The following FSTL4 variants were observed in gnomAD, a reference collection of about 807,000 sequenced individuals.
FSTL4 encodes follistatin-related protein 4.
A neutral mutation model predicts 78.2 loss-of-function variants in FSTL4; 28 were observed. That is an observed-to-expected ratio of 0.36 (90% CI 0.27 to 0.49). The LOEUF (loss-of-function observed/expected upper bound fraction) is 0.49. Ranked by LOEUF, FSTL4 falls within the 20% of genes least tolerant of loss-of-function variation. The pLI, the probability that FSTL4 is intolerant of heterozygous loss-of-function variation, is 0.98. For missense variants in FSTL4, 922 were observed against 1,084.9 expected, an observed-to-expected ratio of 0.85 and a Z score of 2.11; for synonymous variants, 422 against 440.5, an observed-to-expected ratio of 0.96 and a Z score of 0.53.
intron 3 of FSTL4, among the ~76,000 whole-genome samples, chr5:133,523,075 GT>G (rs1252256361): frequency 2.6e-5 from 4 of 151,144 alleles, no homozygotes; most frequent in Non-Finnish European, 5.9e-5. Flanking sequence ...GGTAATTAAC[GT>G]AAAATGAGGT....
intron 3 of FSTL4, among the ~76,000 whole-genome samples, chr5:133,409,126 T>A (rs1756429576): frequency 6.6e-6 from 1 of 152,184 alleles, no homozygotes; most frequent in East Asian, 1.9e-4. Flanking sequence ...TGGACCCTTA[T>A]AAACTCCGCC....
At chr5:133,642,933 A>C in the FSTL4 span, among the ~76,000 whole-genome samples, 1 of 152,218 alleles carries the variant, frequency 6.6e-6, no homozygotes, top group African/African-American at 2.4e-5. Context: ...TTCAACCATA[A>C]AGCACAAGAA....
At chr5:133,390,287 G>C (rs1014814190) in intron 4 of FSTL4, among the ~76,000 whole-genome samples, 8 of 152,250 alleles carry the variant, frequency 5.3e-5, no homozygotes, top group Non-Finnish European at 1.2e-4. Context: ...GGAGCTTTTT[G>C]AAAGTAGTTT....
chr5:133,717,680 ATTCTT>A, the FSTL4 span, among the ~76,000 whole-genome samples: 3 of 152,172 alleles, frequency 2.0e-5, no homozygotes, highest in Non-Finnish European at 4.4e-5. Flanking sequence ...TACAGTGCCT[ATTCTT>A]TTATGTCTAG....
At chr5:133,375,559 A>G (rs1410759767) in intron 4 of FSTL4, among the ~76,000 whole-genome samples, 1 of 152,032 alleles carries the variant, frequency 6.6e-6, no homozygotes, top group East Asian at 1.9e-4. Context: ...ATTGTCAGAA[A>G]ACAGCTGGAG....
Position 133,198,954 on chromosome 5 carries a change from A to C in FSTL4, c.*141T>G. On this transcript the variant is annotated 3_prime_UTR_variant, in exon 16 of 16. Coordinates refer to ENST00000265342, the MANE Select transcript of FSTL4 (RefSeq NM_015082.2). ...AGCAGCGCATACCTTATACTAGGAA[A>C]CTTGCAAGGAGACCAGTGTTGAACC... 1.8e-6 allele frequency: 1 copy of C among 546,482 alleles called. No individual in the cohort carries two copies. The highest frequency in any genetic ancestry group is 3.2e-6 in the Non-Finnish European group (1 of 310,110). The allele number at this position is 546,482 out of a possible 1,614,324, so 33.9% of individuals were successfully genotyped here. A position where few individuals can be genotyped will look rare whatever the true frequency, so the allele number is the denominator to read the frequency against.
chr5:133,680,549 TCTC>T, the FSTL4 span, among the ~76,000 whole-genome samples: 1 of 152,214 alleles, frequency 6.6e-6, no homozygotes, highest in African/African-American at 2.4e-5. Context: ...TACCCTCTGA[TCTC>T]CTCTTCTTGA....
At chr5:133,303,071 C>G (rs1753583776) in intron 6 of FSTL4, among the ~76,000 whole-genome samples, 1 of 152,212 alleles carries the variant, frequency 6.6e-6, no homozygotes, top group Non-Finnish European at 1.5e-5. Context: ...TCCCTTTGTC[C>G]TTTTGTGCCT....
At chr5:133,381,921 A>AAAGTTAGCC (rs1394550749) in intron 4 of FSTL4, among the ~76,000 whole-genome samples, 1 of 152,202 alleles carries the variant, frequency 6.6e-6, no homozygotes, top group Non-Finnish European at 1.5e-5. Flanking sequence ...CTCCAAGGAG[A>AAAGTTAGCC]AAGTTAGCCA....
At position 133,403,854 on chromosome 5, in the gene FSTL4, C is replaced by T. The variant is rs1049274752; in HGVS notation, c.161-2868G>A. Among the ~76,000 whole-genome samples, 25 of 152,154 alleles carry T rather than the reference C, an allele frequency of 1.6e-4. 1 individual carries two copies. The highest frequency in any genetic ancestry group is 6.5e-5 in the Admixed American group (1 of 15,288). Reference sequence around the variant, plus strand: ...GGGGGAGAAGCTACTTTCCCTGACCCCCTCCTTTGAAAGCTGTGTGTCCAG... The same window carrying T: ...GGGGGAGAAGCTACTTTCCCTGACCTCCTCCTTTGAAAGCTGTGTGTCCAG... On this transcript the variant is annotated intron_variant, in intron 3 of 15. Transcript: ENST00000265342.
intron 7 of FSTL4, among the ~76,000 whole-genome samples, chr5:133,240,020 G>A (rs1479495884): frequency 6.6e-6 from 1 of 152,176 alleles, no homozygotes; most frequent in Non-Finnish European, 1.5e-5. Context: ...CCACGCAGTG[G>A]AAGCTTTGTT....
At chr5:133,794,487 G>A in the FSTL4 span, among the ~76,000 whole-genome samples, 3 of 152,328 alleles carry the variant, frequency 2.0e-5, no homozygotes, top group East Asian at 1.9e-4. Flanking sequence ...TCAACCCACA[G>A]CAGACCACAC....
chr5:133,233,600 TG>T, intron 7 of FSTL4, 63 bp from the exon 8 acceptor site: 1 of 1,582,810 alleles, frequency 6.3e-7, no homozygotes. Flanking sequence ...AAACCATAGC[TG>T]TCTCCTGGTT....
the FSTL4 span, among the ~76,000 whole-genome samples, chr5:133,620,507 TA>T: frequency 6.6e-6 from 1 of 152,232 alleles, no homozygotes; most frequent in Non-Finnish European, 1.5e-5. Context: ...ATTGTAGACT[TA>T]ACATTTTTTG....
At chr5:133,417,135 G>C (rs1580695118) in intron 3 of FSTL4, among the ~76,000 whole-genome samples, 1 of 152,154 alleles carries the variant, frequency 6.6e-6, no homozygotes, top group African/African-American at 2.4e-5. Context: ...AAAGCCATGG[G>C]GCAGTAATGA....
the FSTL4 span, among the ~76,000 whole-genome samples, chr5:133,660,042 C>T: frequency 1.3e-5 from 2 of 152,052 alleles, no homozygotes; most frequent in Non-Finnish European, 2.9e-5. Flanking sequence ...TTTTGTCTAC[C>T]CAATATGCTC....
chr5:133,840,507 T>C, the FSTL4 span, among the ~76,000 whole-genome samples: 1 of 152,232 alleles, frequency 6.6e-6, no homozygotes, highest in Non-Finnish European at 1.5e-5. Flanking sequence ...GGTCCTGGAC[T>C]CTTGCTGGTC....
intron 11 of FSTL4, among the ~76,000 whole-genome samples, chr5:133,221,918 T>TGTTTG (rs1298182090): frequency 7.6e-6 from 1 of 132,390 alleles, no homozygotes; most frequent in African/African-American, 3.2e-5. Flanking sequence ...TTTTTTTTTT[T>TGTTTG]TTTTTTTTTA....
chr5:133,702,531 G>C, the FSTL4 span, among the ~76,000 whole-genome samples: 1 of 152,142 alleles, frequency 6.6e-6, no homozygotes, highest in Non-Finnish European at 1.5e-5. Flanking sequence ...GGGAGCAAGA[G>C]GGGTGAGTGG....
Sources: gnomAD v4.1 joint callset for allele counts (sites outside exome capture counted in the v4.1 genomes callset) on GRCh38, gnomAD v4.1.1 for gene constraint, MANE v1.5 for transcripts, NCBI Gene and HGNC (gene_info 2026-07-23, HGNC 2026-07-21) for gene names.